The following WDFY3 variants were observed in gnomAD, a reference collection of about 807,000 sequenced individuals.
WDFY3 encodes WD repeat and FYVE domain containing 3.
WDFY3 carries 66 observed loss-of-function variants against 409.6 expected under a neutral mutation model. That is an observed-to-expected ratio of 0.16 (90% confidence interval 0.13 to 0.20). The LOEUF is 0.20. Among genes scored for constraint, WDFY3 ranks in the 10% least tolerant of loss-of-function variants. The probability of loss-of-function intolerance (pLI) is 1.00; values close to 1 mark genes in which losing one functional copy is unlikely to be tolerated. For synonymous variants in WDFY3, 1,521 were observed against 1,537.1 expected (o/e 0.99, Z 0.25); for missense variants, 3,031 against 4,298.1 (o/e 0.71, Z 8.24).
chr4:84,706,670 C>T (rs188482882), intron 53 of WDFY3, among the ~76,000 whole-genome samples: 1 of 152,080 alleles, frequency 6.6e-6, no homozygotes, highest in East Asian at 1.9e-4. Flanking sequence ...ACTTGAGTGC[C>T]TCCTGAAGGA....
At chr4:84,824,612 AAGG>A (rs1754586094) in intron 10 of WDFY3, among the ~76,000 whole-genome samples, 1 of 152,204 alleles carries the variant, frequency 6.6e-6, no homozygotes, top group Non-Finnish European at 1.5e-5. Context: ...GACTGACTGC[AAGG>A]AGAACAAGGA....
intron 27 of WDFY3, 120 bp downstream of exon 27, chr4:84,778,383 C>T (rs1285577464): frequency 1.1e-6 from 1 of 896,280 alleles, no homozygotes; most frequent in Admixed American, 3.5e-5. Flanking sequence ...ATGATATTAA[C>T]ATGAACATCA....
intron 13 of WDFY3, among the ~76,000 whole-genome samples, chr4:84,815,217 TG>T (rs1386657705): frequency 1.3e-5 from 2 of 152,212 alleles, no homozygotes; most frequent in Non-Finnish European, 2.9e-5. Flanking sequence ...ATTATTTTAA[TG>T]TCATTTTAGA....
rs568819597 is a variant in WDFY3, at chr4:84,864,918, C to T, written c.-31-4296G>A. Reference sequence around the variant, plus strand: ...TTTTTTTTCTTTTGAAACTGGTTCTCGCTCTAATACCCAGTCTGGAGTGCA... The same window carrying T: ...TTTTTTTTCTTTTGAAACTGGTTCTTGCTCTAATACCCAGTCTGGAGTGCA... On this transcript the variant is annotated intron_variant, in intron 3 of 67. Transcript: ENST00000295888. 4.6e-5 allele frequency among the ~76,000 whole-genome samples: 7 copies of T among 151,722 alleles called. No individual in the cohort carries two copies. The South Asian group carries it at 8.3e-4, about 18-fold the overall frequency.
intron 5 of WDFY3, 98 bp from the exon 6 acceptor site, chr4:84,841,361 C>A (rs1341218318): frequency 1.0e-6 from 1 of 963,272 alleles, no homozygotes; most frequent in African/African-American, 1.7e-5. Context: ...TTACTAAGCA[C>A]ATAATTATAT....
At chr4:84,726,114 G>C (rs892914884) in intron 45 of WDFY3, among the ~76,000 whole-genome samples, 130 of 152,168 alleles carry the variant, frequency 8.5e-4, no homozygotes, top group Non-Finnish European at 2.4e-4. Flanking sequence ...TTTATGTGAG[G>C]TATTTTCAAC....
In WDFY3 at chr4:84,766,626, TC is replaced by T. The variant is rs568008946; in HGVS notation, c.4850-255del. Reference sequence around the variant, plus strand: ...TGTGAGATATTTTTTACATTAATATTCCCCTTGCCTTCCCAGTAGGGGGAAA... The same window carrying T: ...TGTGAGATATTTTTTACATTAATATTCCCTTGCCTTCCCAGTAGGGGGAAA... On this transcript the variant is annotated intron_variant, in intron 30 of 67. Coordinates refer to ENST00000295888, the MANE Select transcript of WDFY3 (RefSeq NM_014991.6). Among the ~76,000 whole-genome samples, 3 of 152,304 alleles carry T rather than the reference TC, an allele frequency of 2.0e-5. No individual in the cohort carries two copies. The East Asian group carries it at 5.8e-4, about 29-fold the overall frequency.
intron 43 of WDFY3, among the ~76,000 whole-genome samples, chr4:84,734,473 A>G (rs903643918): frequency 6.6e-5 from 10 of 152,314 alleles, no homozygotes; most frequent in African/African-American, 2.4e-4. Flanking sequence ...ATTAGCAGTT[A>G]ACCATTCAGA....
At chr4:84,904,995 T>C (rs1311403582) in intron 2 of WDFY3, among the ~76,000 whole-genome samples, 1 of 151,716 alleles carries the variant, frequency 6.6e-6, no homozygotes, top group East Asian at 1.9e-4. Context: ...CTCTTTGTCT[T>C]GTGTCTTTAT....
chr4:84,813,255 C>A (rs928953673), intron 13 of WDFY3, among the ~76,000 whole-genome samples: 1 of 152,052 alleles, frequency 6.6e-6, no homozygotes, highest in African/African-American at 2.4e-5. Context: ...TGGCTCTCAG[C>A]GCTACTTTTT....
intron 45 of WDFY3, among the ~76,000 whole-genome samples, chr4:84,725,076 A>G (rs954615473): frequency 6.6e-6 from 1 of 152,190 alleles, no homozygotes; most frequent in Non-Finnish European, 1.5e-5. Flanking sequence ...TTGGAGGTAG[A>G]GACTCAACTG....
chr4:84,692,844 C>T (rs1224208549), intron 59 of WDFY3, 41 bp downstream of exon 59: 1 of 1,552,508 alleles, frequency 6.4e-7, no homozygotes, highest in Non-Finnish European at 8.7e-7. Flanking sequence ...TTAACAATCC[C>T]ATTAAATCAT....
At chr4:84,742,682 T>C (rs1007314693) in intron 37 of WDFY3, among the ~76,000 whole-genome samples, 2 of 152,304 alleles carry the variant, frequency 1.3e-5, no homozygotes, top group Non-Finnish European at 2.9e-5. Context: ...AGCCCTATTA[T>C]GAACCGTGCA....
intron 2 of WDFY3, among the ~76,000 whole-genome samples, chr4:84,898,534 G>T (rs781409217): frequency 6.6e-6 from 1 of 152,266 alleles, no homozygotes; most frequent in East Asian, 1.9e-4. Context: ...GAAGATGACT[G>T]GACTACTATT....
chr4:84,924,839 C>T (rs899717702), intron 2 of WDFY3, among the ~76,000 whole-genome samples: 1 of 152,140 alleles, frequency 6.6e-6, no homozygotes, highest in Non-Finnish European at 1.5e-5. Flanking sequence ...AACTACAGAA[C>T]CTACACAATC....
intron 18 of WDFY3, among the ~76,000 whole-genome samples, chr4:84,797,015 C>T (rs1489294184): frequency 6.6e-6 from 1 of 152,062 alleles, no homozygotes; most frequent in African/African-American, 2.4e-5. Flanking sequence ...TAATTGTCAT[C>T]AAAGCCACTG....
chr4:84,892,191 C>T (rs1252622893), intron 3 of WDFY3, among the ~76,000 whole-genome samples: 1 of 151,716 alleles, frequency 6.6e-6, no homozygotes, highest in East Asian at 1.9e-4. Context: ...GGAATGTATC[C>T]ATGGGATCTA....
intron 63 of WDFY3, 179 bp from the exon 64 acceptor site, chr4:84,682,649 G>A (rs1727576667): frequency 3.3e-6 from 2 of 598,544 alleles, no homozygotes; most frequent in Non-Finnish European, 6.0e-6. Flanking sequence ...CACAATGGCT[G>A]TTTCAAAGTA....
At chr4:84,830,450 G>A (rs538316350) in intron 8 of WDFY3, among the ~76,000 whole-genome samples, 1 of 152,268 alleles carries the variant, frequency 6.6e-6, no homozygotes, top group South Asian at 2.1e-4. Context: ...GGGTAGGCTA[G>A]GCTAAGATAT....
Sources: gnomAD v4.1 joint callset for allele counts (sites outside exome capture counted in the v4.1 genomes callset) on GRCh38, gnomAD v4.1.1 for gene constraint, MANE v1.5 for transcripts, NCBI Gene and HGNC (gene_info 2026-07-23, HGNC 2026-07-21) for gene names.